PARPBP: variants seen among roughly 807,000 people sequenced by gnomAD.
PARPBP encodes PARP1 binding protein, also known as PCNA-interacting partner.
In PARPBP, 52 loss-of-function variants were observed where a neutral mutation model predicts 50.0. That is an observed-to-expected ratio of 1.04 (90% CI 0.83 to 1.31). The LOEUF (loss-of-function observed/expected upper bound fraction) is 1.31. Ranked by LOEUF, PARPBP falls within the 50% of genes most tolerant of loss-of-function variation. PARPBP has a pLI of 0.00. For synonymous variants in PARPBP, 244 were observed against 232.1 expected, an observed-to-expected ratio of 1.05 and a Z score of -0.47; for missense variants, 697 against 672.0, an observed-to-expected ratio of 1.04 and a Z score of -0.41.
intron 2 of PARPBP, among the ~76,000 whole-genome samples, chr12:102,142,209 TTG>T (rs1176781481): frequency 5.3e-5 from 8 of 152,224 alleles, no homozygotes; most frequent in Non-Finnish European, 1.0e-4. Flanking sequence ...TTCTCTAAAC[TTG>T]TCTTCTCGCT....
chr12:102,148,433 TA>T lies in PARPBP; in HGVS notation c.359del (p.Asn120IlefsTer24). On this transcript the variant is annotated frameshift_variant, in exon 3 of 11. Coordinates refer to ENST00000327680, the MANE Select transcript of PARPBP (RefSeq NM_017915.5). LOFTEE classifies it high-confidence loss of function. ...ATCAAAAATGTAGGGCTTTGACTTCTAATTGTGAAAATTATAACACAGTATC... is the reference window on the plus strand; with the variant it reads ...ATCAAAAATGTAGGGCTTTGACTTCTATTGTGAAAATTATAACACAGTATC... ...VYQKCRALTS[N>X]CENYNTVSPS... The T allele has an allele frequency of 6.8e-7, 1 of 1,480,702 alleles. No individual in the cohort carries two copies. The highest frequency in any genetic ancestry group is 9.4e-7 in the Non-Finnish European group (1 of 1,063,830). 91.7% of individuals were successfully genotyped at this position (1,480,702 alleles called of 1,614,324 possible). A position where few individuals can be genotyped will look rare whatever the true frequency, so the allele number is the denominator to read the frequency against.
chr12:102,139,969 C>G (rs1884293109), intron 2 of PARPBP, among the ~76,000 whole-genome samples: 1 of 152,104 alleles, frequency 6.6e-6, no homozygotes, highest in African/African-American at 2.4e-5. Context: ...CTCTGCCAGG[C>G]TTTGGTATCA....
intron 9 of PARPBP, 49 bp downstream of exon 9, chr12:102,182,676 A>G: frequency 8.2e-7 from 1 of 1,222,936 alleles, no homozygotes; most frequent in Middle Eastern, 1.9e-4. Flanking sequence ...TTTTATTTTT[A>G]GAAGAAATAA....
In PARPBP at chr12:102,123,928, A is replaced by G. The variant is rs775766902; in HGVS notation, c.40A>G (p.Lys14Glu). 1.3e-6 allele frequency: 2 copies of G among 1,535,120 alleles called. No homozygotes were observed. Among genetic ancestry groups the G allele is most frequent in the East Asian group, 4.9e-5 (2 of 40,886 alleles). The part of the protein sequence containing the change: ...FNQKSVSDMI[K>E]EFRKNWRALC... ...TCAGAAGTCTGTCTCGGATATGATT[A>G]AAGAGTTTCGAAAAAATTGGCGTGC... Residue 14 changes from lysine (K) to glutamate (E), a missense_variant, in exon 2 of 11, where the codon AAA becomes GAA. Coordinates refer to ENST00000327680, the MANE Select transcript of PARPBP (RefSeq NM_017915.5).
intron 3 of PARPBP, chr12:102,150,347 A>G (rs1886025660): frequency 2.3e-6 from 1 of 437,080 alleles, no homozygotes; most frequent in Non-Finnish European, 4.6e-6. Flanking sequence ...TATAATCCCA[A>G]TTTTTGCTGA....
intron 9 of PARPBP, among the ~76,000 whole-genome samples, chr12:102,192,059 G>A (rs930675824): frequency 1.3e-5 from 2 of 152,080 alleles, no homozygotes; most frequent in African/African-American, 4.8e-5. Context: ...TCTCTTTTAA[G>A]TTATAAATAT....
chr12:102,132,361 C>T (rs574054693), intron 2 of PARPBP, among the ~76,000 whole-genome samples: 1 of 152,282 alleles, frequency 6.6e-6, no homozygotes, highest in Non-Finnish European at 1.5e-5. Context: ...GGTCTAATTT[C>T]ATTTTTCTGC....
At chr12:102,180,243 T>C (rs1889695519) in intron 8 of PARPBP, among the ~76,000 whole-genome samples, 1 of 152,216 alleles carries the variant, frequency 6.6e-6, no homozygotes, top group South Asian at 2.1e-4. Flanking sequence ...ATAAATGAAC[T>C]TTTATTTTTT....
At chr12:102,147,859 A>T (rs1300651704) in intron 2 of PARPBP, among the ~76,000 whole-genome samples, 1 of 152,182 alleles carries the variant, frequency 6.6e-6, no homozygotes, top group East Asian at 1.9e-4. Flanking sequence ...ACGAAAAGGA[A>T]CTAAAAAGAA....
At chr12:102,140,837 GGTCTGAGAGACA>G (rs1884472476) in intron 2 of PARPBP, among the ~76,000 whole-genome samples, 1 of 152,176 alleles carries the variant, frequency 6.6e-6, no homozygotes, top group Non-Finnish European at 1.5e-5. Context: ...ATTGCACTGT[GGTCTGAGAGACA>G]GTCTGTTAGA....
intron 2 of PARPBP, among the ~76,000 whole-genome samples, chr12:102,127,517 A>C (rs2137188646): frequency 6.6e-6 from 1 of 152,270 alleles, no homozygotes; most frequent in African/African-American, 2.4e-5. Flanking sequence ...ATGGTATTTC[A>C]TTTTATTTTT....
chr12:102,155,771 A>G (rs1565878610), intron 4 of PARPBP, among the ~76,000 whole-genome samples: 1 of 152,180 alleles, frequency 6.6e-6, no homozygotes, highest in African/African-American at 2.4e-5. Context: ...CTTTTGCTCC[A>G]GTCCACCACT....
intron 7 of PARPBP, among the ~76,000 whole-genome samples, chr12:102,177,431 T>C (rs1889386972): frequency 6.6e-6 from 1 of 152,216 alleles, no homozygotes; most frequent in Admixed American, 6.5e-5. Flanking sequence ...AACTAAGCAG[T>C]TGGTATCAAA....
chr12:102,120,457 G>A (rs1419164421), intron 1 of PARPBP, 171 bp downstream of exon 1: 1 of 456,672 alleles, frequency 2.2e-6, no homozygotes, highest in East Asian at 7.0e-5. Flanking sequence ...CCTGGGGGCT[G>A]TAGGCGGAGT....
intron 6 of PARPBP, among the ~76,000 whole-genome samples, chr12:102,172,446 T>C (rs1478176947): frequency 6.6e-6 from 1 of 152,224 alleles, no homozygotes; most frequent in African/African-American, 2.4e-5. Context: ...TTAAAACTTC[T>C]GGAGTTTCTA....
In PARPBP at chr12:102,164,419, T is replaced by C; in HGVS notation, c.496-19T>C. 1 of 1,581,284 alleles carries C rather than the reference T, an allele frequency of 6.3e-7. No homozygotes were observed. The highest frequency in any genetic ancestry group is 8.7e-7 in the Non-Finnish European group (1 of 1,155,044). ...GAAGAACTGCAATAAAGAAATTAAC[T>C]GAATATTTTATTGCACAGGTGCAGC... On this transcript the variant is annotated intron_variant, in intron 4 of 10. Transcript: ENST00000327680.
intron 2 of PARPBP, among the ~76,000 whole-genome samples, chr12:102,136,023 C>G (rs1883578752): frequency 6.6e-6 from 1 of 151,404 alleles, no homozygotes; most frequent in South Asian, 2.1e-4. Context: ...GTACTGTTTC[C>G]ACATCATTTT....
At position 102,164,513 on chromosome 12, in the gene PARPBP, G is replaced by C; in HGVS notation, c.571G>C (p.Ala191Pro). ...LVNSKNDLAVAYILNIPDRGL... is the reference protein window; with the variant it reads ...LVNSKNDLAVPYILNIPDRGL... The stretch of plus-strand genomic sequence containing the variant: ...GAATTCAAAGAATGACCTGGCTGTG[G>C]CTTATATTCTCAATATTCCTGATAG... The change falls in exon 5 of 11, where the codon GCT becomes CCT. Residue 191 changes from alanine to proline, a missense_variant. Transcript: ENST00000327680. 5.6e-6 allele frequency: 9 copies of C among 1,612,616 alleles called. No individual in the cohort carries two copies. The highest frequency in any genetic ancestry group is 7.6e-6 in the Non-Finnish European group (9 of 1,178,740).
intron 5 of PARPBP, among the ~76,000 whole-genome samples, chr12:102,165,386 A>G (rs1888037369): frequency 5.3e-5 from 8 of 152,180 alleles, no homozygotes; most frequent in Admixed American, 5.2e-4. Flanking sequence ...AACAATTTCA[A>G]TAGCTAGTAG....
Sources: allele counts gnomAD v4.1 joint callset (sites outside exome capture counted in the v4.1 genomes callset), GRCh38; gene constraint gnomAD v4.1.1; transcripts MANE v1.5; gene names NCBI Gene and HGNC (gene_info 2026-07-23, HGNC 2026-07-21).